STRBP: variants seen among roughly 807,000 people sequenced by gnomAD.
The protein encoded by STRBP is spermatid perinuclear RNA-binding protein.
Under a neutral mutation model 80.1 loss-of-function variants are expected in STRBP, and 13 were observed. The observed-to-expected ratio is 0.16, with a 90% CI of 0.11 to 0.26. STRBP has a LOEUF of 0.26. STRBP is among the 10% of genes least tolerant of loss of function. The probability of loss-of-function intolerance (pLI) is 1.00; values close to 1 mark genes in which losing one functional copy is unlikely to be tolerated. For missense variants in STRBP, 485 were observed against 815.2 expected (o/e 0.59, Z 4.93); for synonymous variants, 284 against 291.2 (o/e 0.98, Z 0.25).
intron 17 of STRBP, among the ~76,000 whole-genome samples, chr9:123,128,938 A>G (rs1457983419): frequency 6.6e-6 from 1 of 152,234 alleles, no homozygotes; most frequent in African/African-American, 2.4e-5. Flanking sequence ...TTATTAAGTA[A>G]AAGCAAGTAC....
At chr9:123,233,583 TG>T (rs1323397382) in intron 2 of STRBP, among the ~76,000 whole-genome samples, 2 of 152,254 alleles carry the variant, frequency 1.3e-5, no homozygotes, top group African/African-American at 4.8e-5. Context: ...TAATGTTAAT[TG>T]CAGAATATAG....
intron 1 of STRBP, among the ~76,000 whole-genome samples, chr9:123,262,979 C>A (rs1306727416): frequency 6.6e-6 from 1 of 152,238 alleles, no homozygotes; most frequent in Non-Finnish European, 1.5e-5. Context: ...CTGACACATA[C>A]ATTAAACTTA....
chr9:123,227,740 T>A (rs191960808), intron 2 of STRBP, among the ~76,000 whole-genome samples: 29 of 151,870 alleles, frequency 1.9e-4, no homozygotes, highest in Admixed American at 1.8e-3. Flanking sequence ...AATTTTTGTA[T>A]TTTTAGTAGA....
chr9:123,193,231 C>T (rs979913258), intron 2 of STRBP, among the ~76,000 whole-genome samples: 2 of 152,144 alleles, frequency 1.3e-5, no homozygotes, highest in African/African-American at 4.8e-5. Flanking sequence ...TCCACAGCAC[C>T]TAGTACATCG....
intron 6 of STRBP, among the ~76,000 whole-genome samples, chr9:123,164,888 G>C (rs1248344265): frequency 1.3e-5 from 2 of 152,208 alleles, no homozygotes; most frequent in African/African-American, 4.8e-5. Context: ...CAATAAGGTA[G>C]AACAGAGAAA....
intron 2 of STRBP, among the ~76,000 whole-genome samples, chr9:123,235,748 A>C (rs1044050133): frequency 4.6e-5 from 7 of 152,162 alleles, no homozygotes; most frequent in African/African-American, 1.7e-4. Context: ...TGGAAAATTA[A>C]ATTGAAGTCA....
chr9:123,248,269 T>G (rs1209640145), intron 1 of STRBP, among the ~76,000 whole-genome samples: 1 of 142,402 alleles, frequency 7.0e-6, no homozygotes. Flanking sequence ...GTGTTTTTTT[T>G]TTTTTTTTTT....
intron 17 of STRBP, among the ~76,000 whole-genome samples, chr9:123,128,642 A>G (rs903932410): frequency 4.4e-4 from 67 of 152,274 alleles, no homozygotes; most frequent in African/African-American, 1.6e-3. Flanking sequence ...TATATATAGT[A>G]GCCACTCTCT....
intron 2 of STRBP, among the ~76,000 whole-genome samples, chr9:123,235,607 A>G (rs2040538392): frequency 6.7e-6 from 1 of 148,724 alleles, no homozygotes. Flanking sequence ...AAAAAAAAAA[A>G]AAAAAAAAAG....
At position 123,169,963 on chromosome 9, in the gene STRBP, T is replaced by C. The variant is rs1359988445; in HGVS notation, c.474A>G (p.Leu158=). 1 of 1,609,164 alleles carries C rather than the reference T, an allele frequency of 6.2e-7. No individual in the cohort carries two copies. Among genetic ancestry groups the C allele is most frequent in the Non-Finnish European group, 8.5e-7 (1 of 1,178,334 alleles). ...GTGAGGTAAGTATCACCTTCAAAGT[T>C]AGCGTGGGCTCTTTTGTATTCCGAA... ...IIIRNTKEPT[L]TLKVILTSPL... The change falls in exon 6 of 19, where the codon CTA becomes CTG. Residue 158 remains leucine, a synonymous_variant. Coordinates refer to ENST00000348403, the MANE Select transcript of STRBP (RefSeq NM_018387.5).
intron 2 of STRBP, among the ~76,000 whole-genome samples, chr9:123,193,634 T>A (rs2038999553): frequency 6.6e-6 from 1 of 152,106 alleles, no homozygotes; most frequent in Non-Finnish European, 1.5e-5. Flanking sequence ...AATGTTCTCA[T>A]CTTCTTTCCT....
chr9:123,265,994 C>T (rs950922627), intron 1 of STRBP, among the ~76,000 whole-genome samples: 1 of 152,172 alleles, frequency 6.6e-6, no homozygotes, highest in Non-Finnish European at 1.5e-5. Context: ...CCCCATGCTG[C>T]CTGAATACTG....
chr9:123,222,102 T>C (rs2040086589), intron 2 of STRBP, among the ~76,000 whole-genome samples: 1 of 152,088 alleles, frequency 6.6e-6, no homozygotes, highest in Non-Finnish European at 1.5e-5. Context: ...TTTCTCTCTT[T>C]CTCTTCACCT....
intron 2 of STRBP, among the ~76,000 whole-genome samples, chr9:123,203,580 G>C (rs1460377447): frequency 6.6e-6 from 1 of 151,980 alleles, no homozygotes; most frequent in Middle Eastern, 3.2e-3. Flanking sequence ...CTTTCCACTT[G>C]CTAGTTTGCC....
At chr9:123,255,827 C>T (rs779213450) in intron 1 of STRBP, among the ~76,000 whole-genome samples, 1 of 152,030 alleles carries the variant, frequency 6.6e-6, no homozygotes, top group Non-Finnish European at 1.5e-5. Flanking sequence ...AACCATCACA[C>T]CTGCAAACGT....
At chr9:123,180,018 C>G (rs2038386115) in intron 3 of STRBP, among the ~76,000 whole-genome samples, 1 of 152,082 alleles carries the variant, frequency 6.6e-6, no homozygotes, top group Admixed American at 6.5e-5. Context: ...CTTTGGGAGG[C>G]TGAGGTGGGA....
intron 2 of STRBP, among the ~76,000 whole-genome samples, chr9:123,208,121 T>G (rs972075060): frequency 1.1e-4 from 16 of 152,038 alleles, no homozygotes; most frequent in Non-Finnish European, 1.8e-4. Flanking sequence ...TGTAAGTTTT[T>G]TTTTTTTTTT....
Position 123,124,262 on chromosome 9 carries a change from G to T in STRBP, c.*1335C>A. On this transcript the variant is annotated 3_prime_UTR_variant, in exon 19 of 19. Coordinates refer to ENST00000348403, the MANE Select transcript of STRBP (RefSeq NM_018387.5). ...TAAAAACAGACATTTTTAAGACATGGTGCCTTATAAATATTGACAGGGGAC... is the reference window on the plus strand; with the variant it reads ...TAAAAACAGACATTTTTAAGACATGTTGCCTTATAAATATTGACAGGGGAC... The T allele has an allele frequency of 5.1e-6, 5 of 985,362 alleles. No individual in the cohort carries two copies. The highest frequency in any genetic ancestry group is 4.7e-5 in the South Asian group (1 of 21,274). 61.0% of individuals were successfully genotyped at this position (985,362 alleles called of 1,614,324 possible).
chr9:123,111,917 AG>A lies in STRBP; in HGVS notation c.*85-2165del. 1.4e-5 allele frequency: 3 copies of A among 209,014 alleles called. No homozygotes were observed. In the South Asian group the frequency reaches 2.2e-4, roughly 15 times the overall value. The allele number at this position is 209,014 out of a possible 1,614,324, so 12.9% of individuals were successfully genotyped here. On this transcript the variant is annotated intron_variant and NMD_transcript_variant, in intron 3 of 3. Coordinates refer to the STRBP transcript ENST00000471564. ...ACAAGTCTAAAGACAGCAGCCACCC[AG>A]GGGCAACTCTTCCTTCTGTATCCCT...
Sources: allele counts gnomAD v4.1 joint callset (sites outside exome capture counted in the v4.1 genomes callset), GRCh38; gene constraint gnomAD v4.1.1; transcripts MANE v1.5; gene names NCBI Gene and HGNC (gene_info 2026-07-23, HGNC 2026-07-21).